Variants in CCN5 observed in about 807,000 individuals in gnomAD.
CCN5 encodes the protein CCN family member 5.
Under a neutral mutation model 18.7 loss-of-function variants are expected in CCN5, and 17 were observed. The observed-to-expected ratio is 0.91, with a 90% CI of 0.62 to 1.36. The LOEUF is 1.36. Ranked by LOEUF, CCN5 falls within the 40% of genes most tolerant of loss-of-function variation. The pLI is 0.00. For missense variants in CCN5, 367 were observed against 342.9 expected (o/e 1.07, Z -0.56); for synonymous variants, 135 against 145.2 (o/e 0.93, Z 0.50).
rs998348395 is a variant in CCN5 at position 44,715,405 on chromosome 20, G to A, written c.15G>A (p.Pro5=). 14 of 1,603,278 alleles carry A rather than the reference G, an allele frequency of 8.7e-6. No individual in the cohort carries two copies. Among genetic ancestry groups the A allele is most frequent in the East Asian group, 2.2e-5 (1 of 44,544 alleles). The change falls in exon 1 of 4, where the codon CCG becomes CCA. Residue 5 remains proline, a synonymous_variant. Transcript: ENST00000190983. MRGT[P]KTHLLAFSLL... is the part of the protein sequence containing the mutation. Reference sequence around the variant, plus strand: ...CTGCAGGGGACATGAGAGGCACACCGAAGACCCACCTCCTGGCCTTCTCCC... The same window carrying A: ...CTGCAGGGGACATGAGAGGCACACCAAAGACCCACCTCCTGGCCTTCTCCC...
chr20:44,723,019 G>A (rs747853706), intron 2 of CCN5, among the ~76,000 whole-genome samples: 1 of 152,008 alleles, frequency 6.6e-6, no homozygotes, highest in Non-Finnish European at 1.5e-5. Flanking sequence ...AAGCCTTCTG[G>A]TGGCTTCCCA....
chr20:44,719,061 T>C (rs2065879570), intron 1 of CCN5, among the ~76,000 whole-genome samples: 1 of 152,170 alleles, frequency 6.6e-6, no homozygotes, highest in Non-Finnish European at 1.5e-5. Context: ...AAGATAAGTA[T>C]CCGTATGCTG....
At chr20:44,724,353 G>A (rs1404904182) in intron 2 of CCN5, 2 of 232,176 alleles carry the variant, frequency 8.6e-6, no homozygotes, top group Admixed American at 5.8e-5. Context: ...CCTATGGAAG[G>A]TCTCTTTTAT....
In CCN5 at chr20:44,724,715, G is replaced by A. The variant is rs770546256; in HGVS notation, c.278-23G>A. On this transcript the variant is annotated intron_variant, in intron 2 of 3. Coordinates refer to ENST00000190983, the MANE Select transcript of CCN5 (RefSeq NM_003881.4). ...TGTGCCGCTTTGCGGGTCACCGATGGGGGTGCGGTTTTTCCTCCGCAGTGG... is the reference window on the plus strand; with the variant it reads ...TGTGCCGCTTTGCGGGTCACCGATGAGGGTGCGGTTTTTCCTCCGCAGTGG... 12 of 1,611,930 alleles carry A rather than the reference G, an allele frequency of 7.4e-6. No individual in the cohort carries two copies. The South Asian group carries it at 1.3e-4, about 18-fold the overall frequency.
intron 2 of CCN5, chr20:44,720,898 T>C (rs2065894644): frequency 6.6e-6 from 1 of 152,100 alleles, no homozygotes; most frequent in Non-Finnish European, 1.5e-5. Context: ...ATGGTAAGAC[T>C]TCTAGCAGCA....
Position 44,720,432 on chromosome 20 carries a change from C to T in CCN5, c.277+319C>T, listed in dbSNP as rs575511672. The T allele has an allele frequency of 5.2e-5, 23 of 445,666 alleles. 1 individual carries two copies. The highest frequency in any genetic ancestry group is 3.5e-4 in the African/African-American group (17 of 49,030). The allele number at this position is 445,666 out of a possible 1,614,324, so 27.6% of individuals were successfully genotyped here. ...CCCCCAGATTCTTCAAACCAGATGC[C>T]ACCACTCCCTTCTCAGGATCCTTAC... On this transcript the variant is annotated intron_variant, in intron 2 of 3. Transcript: ENST00000190983.
chr20:44,723,104 A>C (rs1600994299), intron 2 of CCN5, among the ~76,000 whole-genome samples: 2 of 148,486 alleles, frequency 1.3e-5, no homozygotes, highest in East Asian at 2.0e-4. Flanking sequence ...TTCCTCTCTG[A>C]CCTCCTCTCC....
rs150758194 is a variant in CCN5, at chr20:44,724,965, C to T, written c.505C>T (p.Leu169=). The T allele has an allele frequency of 8.1e-4, 1,298 of 1,593,820 alleles. 5 individuals are homozygous for T. The African/African-American group carries it at 0.012, about 14-fold the overall frequency. The change falls in exon 3 of 4, where the codon CTG becomes TTG. Residue 169 remains leucine (L), a synonymous_variant. Transcript: ENST00000190983. ...GTGGGTGTGCGGCCAAGGAGGGGGA[C>T]TGGGGACCCAGCCCCTTCCAGCCCA... is the stretch of plus-strand genomic sequence containing the variant. The part of the protein sequence containing the change: ...PEWVCGQGGG[L]GTQPLPAQGP...
rs922706107 is a variant in CCN5 at position 44,727,322 on chromosome 20, T to C, written c.*15T>C. 2 of 1,598,524 alleles carry C rather than the reference T, an allele frequency of 1.3e-6. No homozygotes were observed. The highest frequency in any genetic ancestry group is 4.5e-5 in the East Asian group (2 of 44,404). On this transcript the variant is annotated 3_prime_UTR_variant, in exon 4 of 4. Coordinates refer to ENST00000190983, the MANE Select transcript of CCN5 (RefSeq NM_003881.4). ...GTGCCTTCTAGAGCCGGGCTGGGAA[T>C]GGGGACACGGTGTCCACCATCCCCA...
chr20:44,715,624 T>C (rs2065854667), intron 1 of CCN5, among the ~76,000 whole-genome samples, 174 bp downstream of exon 1: 1 of 152,186 alleles, frequency 6.6e-6, no homozygotes, highest in African/African-American at 2.4e-5. Flanking sequence ...CAGAGCTGCC[T>C]CCGGCCAGCC....
At chr20:44,720,607 G>A (rs2065892514) in intron 2 of CCN5, 1 of 173,216 alleles carries the variant, frequency 5.8e-6, no homozygotes, top group Non-Finnish European at 1.2e-5. Context: ...GAGGAAACAG[G>A]TTCACCAGCA....
At chr20:44,719,845 C>A in intron 1 of CCN5, 52 bp from the exon 2 acceptor site, 1 of 1,564,276 alleles carries the variant, frequency 6.4e-7, no homozygotes, top group South Asian at 1.2e-5. Flanking sequence ...TTGTGAGGGT[C>A]TCACTGCCCA....
At chr20:44,721,085 G>A (rs1302030235) in intron 2 of CCN5, 1 of 152,002 alleles carries the variant, frequency 6.6e-6, no homozygotes, top group Non-Finnish European at 1.5e-5. Context: ...TTAATAATAA[G>A]CCTTGTAGAA....
At chr20:44,724,641 G>C in intron 2 of CCN5, 97 bp from the exon 3 acceptor site, 1 of 1,558,646 alleles carries the variant, frequency 6.4e-7, no homozygotes, top group Non-Finnish European at 8.7e-7. Flanking sequence ...CAGCTACTGT[G>C]AGGCAGCTGC....
At chr20:44,720,459 A>C in intron 2 of CCN5, 1 of 377,666 alleles carries the variant, frequency 2.6e-6, no homozygotes, top group South Asian at 3.1e-5. Context: ...GATCCTTACA[A>C]CACTTTGGGG....
chr20:44,725,051 T>C, intron 3 of CCN5, 59 bp downstream of exon 3: 1 of 1,461,640 alleles, frequency 6.8e-7, no homozygotes, highest in Non-Finnish European at 9.0e-7. Flanking sequence ...AAGGGCCACC[T>C]AGGGGGTGGG....
chr20:44,723,355 C>A (rs2065913126), intron 2 of CCN5, among the ~76,000 whole-genome samples: 1 of 149,090 alleles, frequency 6.7e-6, no homozygotes, highest in African/African-American at 2.5e-5. Context: ...CTGCTATGTG[C>A]CAGGCTTGGG....
rs555560683 is a variant in CCN5, at chr20:44,716,408, CA to C, written c.60+959del. 6.9e-3 allele frequency among the ~76,000 whole-genome samples: 1,054 copies of C among 152,356 alleles called. 7 individuals carry two copies. The highest frequency in any genetic ancestry group is 0.012 in the Non-Finnish European group (820 of 68,040). On this transcript the variant is annotated intron_variant, in intron 1 of 3. Transcript: ENST00000190983. ...AGCACGGGCAGGAGCTTCTCTCCCT[CA>C]GGCTCCAAGTCTTCGTGCCTGGGAA...
In CCN5 at chr20:44,720,128, A is replaced by G. The variant is rs1244605356; in HGVS notation, c.277+15A>G. 7.1e-6 allele frequency: 11 copies of G among 1,540,412 alleles called. No homozygotes were observed. The highest frequency in any genetic ancestry group is 8.7e-6 in the Non-Finnish European group (10 of 1,148,974). On this transcript the variant is annotated intron_variant, in intron 2 of 3. Coordinates refer to ENST00000190983, the MANE Select transcript of CCN5 (RefSeq NM_003881.4). ...CCTGTGCCTCTGTAAGCAGGTTTGC[A>G]GGACTGAGTGGGGGCGGGTGTGAGC...
Sources: allele counts gnomAD v4.1 joint callset (sites outside exome capture counted in the v4.1 genomes callset), GRCh38; gene constraint gnomAD v4.1.1; transcripts MANE v1.5; gene names NCBI Gene and HGNC (gene_info 2026-07-23, HGNC 2026-07-21).